Variants in NAA16 observed in about 807,000 individuals in gnomAD.
NAA16 encodes N-alpha-acetyltransferase 16, NatA auxiliary subunit.
NAA16 carries 97 observed loss-of-function variants against 110.3 expected under a neutral mutation model. The observed-to-expected ratio is 0.88, with a 90% CI of 0.75 to 1.04. The LOEUF is 1.04. NAA16 is among the 50% of genes least tolerant of loss of function. The pLI is 0.00. For synonymous variants in NAA16, 372 were observed against 330.6 expected, an observed-to-expected ratio of 1.13 and a Z score of -1.36; for missense variants, 1,017 against 1,005.1, an observed-to-expected ratio of 1.01 and a Z score of -0.16.
chr13:41,320,939 GAAGGTGTATGTCGCT>G, intron 4 of NAA16, 115 bp downstream of exon 4: 1 of 894,680 alleles, frequency 1.1e-6, no homozygotes, highest in Non-Finnish European at 1.6e-6. Context: ...TTGTTCATTA[GAAGGTGTATGTCGCT>G]TGGGACCTTC....
chr13:41,326,013 A>G lies in NAA16; in HGVS notation c.691+162A>G, dbSNP rs374030142. ...CTAGTTTAATCCTCATAACAACCCT[A>G]TGTTGTAGTTATTATATCTATTTTG... On this transcript the variant is annotated intron_variant, in intron 6 of 19. Coordinates refer to ENST00000379406, the MANE Select transcript of NAA16 (RefSeq NM_024561.5). 2.6e-4 allele frequency among the ~76,000 whole-genome samples: 40 copies of G among 152,236 alleles called. No individual in the cohort carries two copies. In the South Asian group the frequency reaches 6.0e-3, roughly 23 times the overall value.
intron 7 of NAA16, among the ~76,000 whole-genome samples, chr13:41,329,191 A>G (rs1360334633): frequency 6.6e-6 from 1 of 152,064 alleles, no homozygotes; most frequent in African/African-American, 2.4e-5. Context: ...TAACTATTTA[A>G]TATTTTAAAA....
intron 7 of NAA16, among the ~76,000 whole-genome samples, chr13:41,329,988 A>G (rs1055427304): frequency 6.6e-6 from 1 of 150,568 alleles, no homozygotes; most frequent in African/African-American, 2.4e-5. Context: ...GACTTTAAGT[A>G]GGATTTATAC....
chr13:41,332,194 C>T (rs1387795840), intron 8 of NAA16, among the ~76,000 whole-genome samples: 1 of 151,272 alleles, frequency 6.6e-6, no homozygotes, highest in Admixed American at 6.6e-5. Flanking sequence ...CTTTTTTGAG[C>T]ATAAATTCAA....
rs183829710 is a variant in NAA16, at chr13:41,316,715, G to C, written c.55-131G>C. 2.8e-5 allele frequency: 17 copies of C among 610,970 alleles called. No individual in the cohort carries two copies. In the Admixed American group the frequency reaches 3.0e-4, roughly 11 times the overall value. 37.8% of individuals were successfully genotyped at this position (610,970 alleles called of 1,614,324 possible). The stretch of plus-strand genomic sequence containing the variant: ...GGTAACAAAAGTACACTGCATGTTT[G>C]TAAGTGATATCCTTTCTATCACATT... On this transcript the variant is annotated intron_variant, in intron 1 of 19. Coordinates refer to ENST00000379406, the MANE Select transcript of NAA16 (RefSeq NM_024561.5).
chr13:41,371,029 A>C (rs1408815194), intron 15 of NAA16, among the ~76,000 whole-genome samples: 1 of 152,064 alleles, frequency 6.6e-6, no homozygotes, highest in East Asian at 1.9e-4. Flanking sequence ...AATCAAGGAA[A>C]TCATAAAAGA....
intron 10 of NAA16, among the ~76,000 whole-genome samples, chr13:41,357,260 A>G (rs2043010574): frequency 6.6e-6 from 1 of 152,236 alleles, no homozygotes; most frequent in South Asian, 2.1e-4. Flanking sequence ...GTTCCAGGCT[A>G]CAGTTAGTTA....
At chr13:41,331,221 C>A in intron 7 of NAA16, 53 bp from the exon 8 acceptor site, 3 of 1,049,208 alleles carry the variant, frequency 2.9e-6, no homozygotes, top group African/African-American at 1.6e-5. Flanking sequence ...TAGCATTTTA[C>A]CATAGATAAA....
At chr13:41,359,766 TTATAA>T (rs2043073891) in intron 12 of NAA16, among the ~76,000 whole-genome samples, 1 of 152,136 alleles carries the variant, frequency 6.6e-6, no homozygotes, top group African/African-American at 2.4e-5. Flanking sequence ...GATAAACTAA[TTATAA>T]TATAATCTAA....
At chr13:41,357,300 G>T (rs1448903539) in intron 10 of NAA16, among the ~76,000 whole-genome samples, 1 of 152,186 alleles carries the variant, frequency 6.6e-6, no homozygotes, top group African/African-American at 2.4e-5. Flanking sequence ...CAGTGTTGGT[G>T]ATAGAACAAG....
chr13:41,317,114 G>T (rs1277871584), intron 2 of NAA16, among the ~76,000 whole-genome samples, 184 bp downstream of exon 2: 4 of 152,016 alleles, frequency 2.6e-5, no homozygotes, highest in Non-Finnish European at 5.9e-5. Context: ...CCTTAAGTAT[G>T]TATACTTAAG....
chr13:41,324,758 A>G (rs1286530989), intron 5 of NAA16, among the ~76,000 whole-genome samples: 2 of 150,950 alleles, frequency 1.3e-5, no homozygotes, highest in African/African-American at 2.4e-5. Context: ...GTGGCTATGC[A>G]CTACAGTCTT....
chr13:41,315,601 A>G (rs2041786745), intron 1 of NAA16, among the ~76,000 whole-genome samples: 1 of 152,196 alleles, frequency 6.6e-6, no homozygotes, highest in Non-Finnish European at 1.5e-5. Flanking sequence ...AATTGGTATT[A>G]AGTAAGAGAT....
At chr13:41,337,972 C>T (rs538940679) in intron 9 of NAA16, among the ~76,000 whole-genome samples, 2 of 151,982 alleles carry the variant, frequency 1.3e-5, no homozygotes, top group African/African-American at 4.8e-5. Context: ...AACAAAAAAA[C>T]CCAAAAAACC....
intron 9 of NAA16, among the ~76,000 whole-genome samples, chr13:41,353,735 C>T (rs1358820947): frequency 6.6e-6 from 1 of 151,298 alleles, no homozygotes; most frequent in Non-Finnish European, 1.5e-5. Context: ...CCACTGCACT[C>T]CAGCCTAGGT....
chr13:41,328,822 TTGGAA>T lies in NAA16; in HGVS notation c.791_795del (p.Leu264Ter). The stretch of plus-strand genomic sequence containing the variant: ...AGAAAATTGGTGTTATTATGAAGGC[TTGGAA>T]AAAGCTCTACAAATTAGTATGTAAT... On this transcript the variant is annotated frameshift_variant, in exon 7 of 20. Transcript: ENST00000379406. LOFTEE classifies it high-confidence loss of function. 1 of 1,603,858 alleles carries T rather than the reference TTGGAA, an allele frequency of 6.2e-7. No individual in the cohort carries two copies. Among genetic ancestry groups the T allele is most frequent in the Non-Finnish European group, 8.5e-7 (1 of 1,171,618 alleles).
intron 10 of NAA16, among the ~76,000 whole-genome samples, chr13:41,356,176 CGCGCG>C (rs2042978427): frequency 6.7e-6 from 1 of 150,294 alleles, no homozygotes; most frequent in Non-Finnish European, 1.5e-5. Flanking sequence ...TGTGTGCATA[CGCGCG>C]CACACGCGGG....
At chr13:41,369,321 T>C in intron 15 of NAA16, 38 bp downstream of exon 15, 1 of 1,479,322 alleles carries the variant, frequency 6.8e-7, no homozygotes, top group African/African-American at 1.4e-5. Context: ...TTTGGTAAAA[T>C]TTATGCTATT....
intron 10 of NAA16, 54 bp from the exon 11 acceptor site, chr13:41,358,250 A>G: frequency 1.4e-6 from 2 of 1,447,774 alleles, no homozygotes; most frequent in Admixed American, 1.8e-5. Context: ...GAGAGAAAAT[A>G]TGTGATTTGC....
Sources: allele counts gnomAD v4.1 joint callset (sites outside exome capture counted in the v4.1 genomes callset), GRCh38; gene constraint gnomAD v4.1.1; transcripts MANE v1.5; gene names NCBI Gene and HGNC (gene_info 2026-07-23, HGNC 2026-07-21).